Variants in NKAIN2 observed in about 807,000 individuals in gnomAD.
The protein encoded by NKAIN2 is sodium/potassium-transporting ATPase subunit beta-1-interacting protein 2.
Under a neutral mutation model 32.6 loss-of-function variants are expected in NKAIN2, and 14 were observed. That is an observed-to-expected ratio of 0.43 (90% CI 0.28 to 0.67). The LOEUF is 0.67. NKAIN2 is among the 30% of genes least tolerant of loss of function. The pLI, the probability that NKAIN2 is intolerant of heterozygous loss-of-function variation, is 0.17. For synonymous variants in NKAIN2, 80 were observed against 87.2 expected, an observed-to-expected ratio of 0.92 and a Z score of 0.46; for missense variants, 198 against 258.3, an observed-to-expected ratio of 0.77 and a Z score of 1.60.
intron 2 of NKAIN2, among the ~76,000 whole-genome samples, chr6:124,341,439 T>G (rs948618031): frequency 1.3e-5 from 2 of 152,172 alleles, no homozygotes; most frequent in African/African-American, 4.8e-5. Flanking sequence ...ATGATACAGA[T>G]GATTACATTA....
At chr6:123,838,803 T>C (rs948642135) in intron 1 of NKAIN2, among the ~76,000 whole-genome samples, 4 of 152,148 alleles carry the variant, frequency 2.6e-5, no homozygotes, top group Non-Finnish European at 4.4e-5. Context: ...TGAAATCAAG[T>C]GTCTTTCAAA....
At chr6:124,384,433 G>T in intron 3 of NKAIN2, among the ~76,000 whole-genome samples, 1 of 151,994 alleles carries the variant, frequency 6.6e-6, no homozygotes, top group African/African-American at 2.4e-5. Flanking sequence ...GAATAAGTGG[G>T]GTGATGTAGG....
intron 1 of NKAIN2, among the ~76,000 whole-genome samples, chr6:123,977,271 A>G (rs1778687629): frequency 6.6e-6 from 1 of 152,166 alleles, no homozygotes; most frequent in African/African-American, 2.4e-5. Flanking sequence ...TAAAAATTTA[A>G]AAGGTGGTGT....
chr6:124,619,073 T>C (rs1783014797), intron 3 of NKAIN2, among the ~76,000 whole-genome samples: 1 of 152,134 alleles, frequency 6.6e-6, no homozygotes, highest in Non-Finnish European at 1.5e-5. Flanking sequence ...CCTGGAAACA[T>C]TTCCACATTA....
intron 1 of NKAIN2, among the ~76,000 whole-genome samples, chr6:124,069,803 A>G (rs1292411356): frequency 1.3e-5 from 2 of 152,182 alleles, no homozygotes; most frequent in African/African-American, 4.8e-5. Context: ...GGAGCTCAGC[A>G]GCCAGCCTGG....
chr6:124,344,396 G>T (rs1209228328), intron 2 of NKAIN2, among the ~76,000 whole-genome samples: 1 of 151,686 alleles, frequency 6.6e-6, no homozygotes, highest in Admixed American at 6.6e-5. Flanking sequence ...GATGGGGATG[G>T]CATTGAATCT....
At chr6:124,712,825 TC>T (rs1775568752) in intron 4 of NKAIN2, among the ~76,000 whole-genome samples, 1 of 151,992 alleles carries the variant, frequency 6.6e-6, no homozygotes, top group South Asian at 2.1e-4. Flanking sequence ...TCTTGGCTCC[TC>T]CCCCTAAACT....
intron 1 of NKAIN2, among the ~76,000 whole-genome samples, chr6:124,072,462 A>G (rs1414169817): frequency 6.7e-6 from 1 of 149,278 alleles, no homozygotes; most frequent in African/African-American, 2.6e-5. Flanking sequence ...AATCTAAAAG[A>G]GAAGTTGAAA....
intron 1 of NKAIN2, among the ~76,000 whole-genome samples, chr6:124,066,658 T>C (rs1404529235): frequency 6.6e-6 from 1 of 152,174 alleles, no homozygotes; most frequent in Non-Finnish European, 1.5e-5. Flanking sequence ...CAGGGATTAA[T>C]TGTAAAAATA....
At chr6:124,686,814 G>C (rs570571225) in intron 4 of NKAIN2, among the ~76,000 whole-genome samples, 1 of 152,256 alleles carries the variant, frequency 6.6e-6, no homozygotes, top group Admixed American at 6.5e-5. Flanking sequence ...TTGATCCTGG[G>C]TGTGTCTGTG....
intron 3 of NKAIN2, among the ~76,000 whole-genome samples, chr6:124,621,138 G>A (rs1366366491): frequency 6.6e-6 from 1 of 152,052 alleles, no homozygotes; most frequent in African/African-American, 2.4e-5. Context: ...AATACTACTG[G>A]GCAGCAGCAG....
chr6:124,206,036 T>C (rs1790863933), intron 1 of NKAIN2, among the ~76,000 whole-genome samples: 1 of 151,940 alleles, frequency 6.6e-6, no homozygotes, highest in African/African-American at 2.4e-5. Flanking sequence ...GAACCCCTTC[T>C]GAAAACACAT....
At chr6:124,598,393 C>T (rs568095397) in intron 3 of NKAIN2, among the ~76,000 whole-genome samples, 1 of 152,268 alleles carries the variant, frequency 6.6e-6, no homozygotes, top group Non-Finnish European at 1.5e-5. Flanking sequence ...GTTTAAAACT[C>T]ATGAGACCAA....
chr6:124,534,380 G>C (rs146134772), intron 3 of NKAIN2, among the ~76,000 whole-genome samples: 6,189 of 152,146 alleles, frequency 0.041, 336 homozygotes, highest in East Asian at 0.16. Flanking sequence ...TGAACTCCTG[G>C]CCTCAAGTGA....
At chr6:123,865,292 G>A (rs1044412869) in intron 1 of NKAIN2, among the ~76,000 whole-genome samples, 1 of 151,788 alleles carries the variant, frequency 6.6e-6, no homozygotes, top group East Asian at 1.9e-4. Context: ...ATAGTTTTTG[G>A]ACAGTTGTTC....
At chr6:124,373,041 G>A (rs1236293598) in intron 3 of NKAIN2, among the ~76,000 whole-genome samples, 2 of 152,186 alleles carry the variant, frequency 1.3e-5, no homozygotes, top group Admixed American at 6.5e-5. Context: ...GCAGGAGCAA[G>A]AGTTGCAAGA....
At chr6:124,815,223 T>TAC (rs1322848079) in intron 5 of NKAIN2, among the ~76,000 whole-genome samples, 1 of 103,216 alleles carries the variant, frequency 9.7e-6, no homozygotes, top group East Asian at 2.2e-4. Context: ...ACTATATATA[T>TAC]ACATATATAT....
chr6:124,378,908 C>T (rs12211100), intron 3 of NKAIN2, among the ~76,000 whole-genome samples: 24,117 of 149,130 alleles, frequency 0.16, 2,256 homozygotes, highest in Admixed American at 0.27. Flanking sequence ...TGGGCAACAA[C>T]GTAAAGAGAC....
intron 1 of NKAIN2, among the ~76,000 whole-genome samples, chr6:124,141,811 C>T (rs1188596582): frequency 6.6e-6 from 1 of 152,126 alleles, no homozygotes; most frequent in Non-Finnish European, 1.5e-5. Flanking sequence ...TTCAGGTTCA[C>T]AATTACCATG....
Sources: allele counts gnomAD v4.1 joint callset (sites outside exome capture counted in the v4.1 genomes callset), GRCh38; gene constraint gnomAD v4.1.1; transcripts MANE v1.5; gene names NCBI Gene and HGNC (gene_info 2026-07-23, HGNC 2026-07-21).